Variants in DLGAP1 observed in about 807,000 individuals in gnomAD.
The protein encoded by DLGAP1 is disks large-associated protein 1.
Under a neutral mutation model 90.8 loss-of-function variants are expected in DLGAP1, and 11 were observed. The observed-to-expected ratio is 0.12, with a 90% CI of 0.08 to 0.20. DLGAP1 has a LOEUF of 0.20. Ranked by LOEUF, DLGAP1 falls within the 10% of genes least tolerant of loss-of-function variation. DLGAP1 has a pLI of 1.00. For synonymous variants in DLGAP1, 558 were observed against 540.7 expected (o/e 1.03, Z -0.44); for missense variants, 1,050 against 1,333.8 (o/e 0.79, Z 3.31).
At chr18:3,719,510 G>T (rs1045699595) in intron 7 of DLGAP1, among the ~76,000 whole-genome samples, 67 of 145,906 alleles carry the variant, frequency 4.6e-4, no homozygotes, top group African/African-American at 1.6e-3. Flanking sequence ...TGAGCTGAGA[G>T]CGCGCCACTG....
chr18:3,920,373 A>AAAAG (rs1568300205), intron 3 of DLGAP1, among the ~76,000 whole-genome samples: 1 of 149,546 alleles, frequency 6.7e-6, no homozygotes, highest in Non-Finnish European at 1.5e-5. Flanking sequence ...AAAAAAAAAA[A>AAAAG]GCACTGGGTA....
chr18:4,244,853 A>G lies in DLGAP1; in HGVS notation c.-266-93566T>C, dbSNP rs2078621212. On this transcript the variant is annotated intron_variant, in intron 1 of 12. Coordinates refer to ENST00000315677, the MANE Select transcript of DLGAP1 (RefSeq NM_004746.4). ...AGTGATATCCGCTATCATCCAGTGT[A>G]ACGAAATGGTTCTTAGCCAAGTACT... 4.6e-5 allele frequency among the ~76,000 whole-genome samples: 7 copies of G among 152,218 alleles called. No individual in the cohort carries two copies. The South Asian group carries it at 1.5e-3, about 32-fold the overall frequency.
intron 1 of DLGAP1, among the ~76,000 whole-genome samples, chr18:4,324,878 G>A (rs35582494): frequency 0.28 from 41,879 of 151,748 alleles, 7,049 homozygotes; most frequent in African/African-American, 0.48. Context: ...AAATATTAAG[G>A]GCCATCTATA....
At chr18:4,080,139 C>T (rs1260407538) in intron 2 of DLGAP1, among the ~76,000 whole-genome samples, 2 of 152,090 alleles carry the variant, frequency 1.3e-5, no homozygotes, top group African/African-American at 4.8e-5. Context: ...GAAGGAACAA[C>T]AGATTCAGAG....
intron 1 of DLGAP1, among the ~76,000 whole-genome samples, chr18:4,276,551 A>G (rs2079420311): frequency 6.6e-6 from 1 of 151,872 alleles, no homozygotes; most frequent in African/African-American, 2.4e-5. Flanking sequence ...TGGGAGACTC[A>G]CTTTAACCCA....
At chr18:4,235,530 C>T in intron 1 of DLGAP1, among the ~76,000 whole-genome samples, 1 of 151,988 alleles carries the variant, frequency 6.6e-6, no homozygotes, top group East Asian at 1.9e-4. Flanking sequence ...TAATTCCTAG[C>T]ACCATTTGGA....
At chr18:4,240,713 T>A (rs1193648504) in intron 1 of DLGAP1, among the ~76,000 whole-genome samples, 5 of 152,204 alleles carry the variant, frequency 3.3e-5, no homozygotes, top group African/African-American at 4.8e-5. Flanking sequence ...AGAAATAATT[T>A]CTTCTTTTCT....
chr18:3,610,244 T>A (rs139826427), intron 7 of DLGAP1, among the ~76,000 whole-genome samples: 2 of 152,176 alleles, frequency 1.3e-5, no homozygotes, highest in Non-Finnish European at 2.9e-5. Flanking sequence ...CCCTGCCAAG[T>A]TGCCATTTGT....
intron 3 of DLGAP1, among the ~76,000 whole-genome samples, chr18:3,935,272 G>A (rs2072608843): frequency 6.6e-6 from 1 of 152,170 alleles, no homozygotes. Context: ...GGAAAATAGA[G>A]AGAAAGAAAT....
At chr18:4,139,828 T>A (rs1354910518) in intron 2 of DLGAP1, among the ~76,000 whole-genome samples, 1 of 151,996 alleles carries the variant, frequency 6.6e-6, no homozygotes, top group Non-Finnish European at 1.5e-5. Flanking sequence ...CATTACATCC[T>A]CTTGCTGAAT....
intron 5 of DLGAP1, among the ~76,000 whole-genome samples, chr18:3,776,445 T>C (rs955236746): frequency 4.6e-5 from 7 of 152,262 alleles, no homozygotes; most frequent in Middle Eastern, 6.8e-3. Flanking sequence ...CCAGGTTGCA[T>C]GGGCCTCAGT....
intron 9 of DLGAP1, among the ~76,000 whole-genome samples, chr18:3,539,918 A>G (rs2052588994): frequency 6.6e-6 from 1 of 152,192 alleles, no homozygotes; most frequent in Non-Finnish European, 1.5e-5. Context: ...TTCAAGGCTA[A>G]GTCCAGTTTC....
intron 3 of DLGAP1, among the ~76,000 whole-genome samples, chr18:3,969,884 ACT>A (rs1251328515): frequency 1.3e-5 from 2 of 152,072 alleles, no homozygotes; most frequent in African/African-American, 4.8e-5. Flanking sequence ...AAAGGAAAAG[ACT>A]CTAGGATTAA....
At chr18:4,261,105 G>A (rs2078994039) in intron 1 of DLGAP1, among the ~76,000 whole-genome samples, 1 of 152,234 alleles carries the variant, frequency 6.6e-6, no homozygotes. Context: ...CTCATTTCAA[G>A]TGGTACATTG....
intron 1 of DLGAP1, among the ~76,000 whole-genome samples, chr18:4,413,523 C>G (rs1019795285): frequency 6.6e-6 from 1 of 152,182 alleles, no homozygotes; most frequent in Non-Finnish European, 1.5e-5. Context: ...TACTCCCTTA[C>G]GGGCTATTCT....
chr18:3,518,461 C>G (rs2050975908), intron 10 of DLGAP1, among the ~76,000 whole-genome samples: 1 of 151,754 alleles, frequency 6.6e-6, no homozygotes. Flanking sequence ...TGAGCATATG[C>G]TTTTGAAAAG....
At chr18:4,414,114 T>C (rs1010513241) in intron 1 of DLGAP1, among the ~76,000 whole-genome samples, 1 of 152,150 alleles carries the variant, frequency 6.6e-6, no homozygotes, top group African/African-American at 2.4e-5. Context: ...CCAATGTGAA[T>C]GAAAAGTGAT....
intron 9 of DLGAP1, among the ~76,000 whole-genome samples, chr18:3,536,266 C>T (rs2052373170): frequency 6.7e-6 from 1 of 149,068 alleles, no homozygotes; most frequent in South Asian, 2.1e-4. Flanking sequence ...CTCTGTTGCC[C>T]AGGCTGGAGT....
rs2051615008 is a variant in DLGAP1, at chr18:3,526,325, AT to A, written c.2479+7868del. Among the ~76,000 whole-genome samples the A allele has an allele frequency of 6.6e-6, 1 of 152,208 alleles. No individual in the cohort carries two copies. Among genetic ancestry groups the A allele is most frequent in the Non-Finnish European group, 1.5e-5 (1 of 68,040 alleles). On this transcript the variant is annotated intron_variant, in intron 10 of 12. Transcript: ENST00000315677. The surrounding 1 kb of genome is among the most constrained non-coding windows in gnomAD (Gnocchi z 4.7). ...AGGCCGCAGAGACACAGCAGAGGCA[AT>A]CCCAGGCGGATAAACCCTGGGTGAT...
Sources: allele counts gnomAD v4.1 joint callset (sites outside exome capture counted in the v4.1 genomes callset), GRCh38; gene constraint gnomAD v4.1.1; non-coding constraint Gnocchi (gnomAD v3.1); transcripts MANE v1.5; gene names NCBI Gene and HGNC (gene_info 2026-07-23, HGNC 2026-07-21).